ELMO1: variants seen among roughly 807,000 people sequenced by gnomAD.
ELMO1 encodes the protein engulfment and cell motility 1.
In ELMO1, 26 loss-of-function variants were observed where a neutral mutation model predicts 98.9. That is an observed-to-expected ratio of 0.26 (90% confidence interval 0.19 to 0.36). The LOEUF is 0.36. Ranked by LOEUF, ELMO1 falls within the 10% of genes least tolerant of loss-of-function variation. The pLI is 1.00. For synonymous variants in ELMO1, 346 were observed against 346.0 expected (o/e 1.00, Z 0.00); for missense variants, 627 against 935.2 (o/e 0.67, Z 4.30).
intron 2 of ELMO1, among the ~76,000 whole-genome samples, chr7:37,320,792 T>C (rs1799448189): frequency 6.6e-6 from 1 of 152,132 alleles, no homozygotes; most frequent in African/African-American, 2.4e-5. Flanking sequence ...GAAAAAAATC[T>C]ATACATTCAC....
intron 1 of ELMO1, among the ~76,000 whole-genome samples, chr7:37,414,888 C>T (rs758655944): frequency 8.5e-5 from 13 of 152,176 alleles, no homozygotes; most frequent in Non-Finnish European, 1.6e-4. Flanking sequence ...ATTGCAAAAA[C>T]ACTAATAATC....
chr7:37,360,584 C>G (rs1801665379), intron 1 of ELMO1, among the ~76,000 whole-genome samples: 1 of 152,084 alleles, frequency 6.6e-6, no homozygotes, highest in African/African-American at 2.4e-5. Flanking sequence ...TGTGGGTAGT[C>G]CTCGGTATAC....
chr7:37,098,185 T>TC (rs890052402), intron 14 of ELMO1, among the ~76,000 whole-genome samples: 2 of 152,168 alleles, frequency 1.3e-5, no homozygotes, highest in Non-Finnish European at 2.9e-5. Flanking sequence ...TTTTGTCACC[T>TC]CCACAGAATA....
intron 1 of ELMO1, among the ~76,000 whole-genome samples, chr7:37,433,822 C>T (rs985942102): frequency 1.3e-5 from 2 of 152,066 alleles, no homozygotes; most frequent in African/African-American, 2.4e-5. Context: ...CCTGTACATG[C>T]GCTGTCTCCT....
Position 36,853,383 on chromosome 7 carries a change from G to T in ELMO1, c.*2168C>A, listed in dbSNP as rs1289471596. Among the ~76,000 whole-genome samples the T allele has an allele frequency of 6.6e-6, 1 of 152,150 alleles. No individual in the cohort carries two copies. The highest frequency in any genetic ancestry group is 1.5e-5 in the Non-Finnish European group (1 of 68,030). Reference sequence around the variant, plus strand: ...AGTGTCTCAGGACCTCAGAGATCCTGGTCCAGAAAGTTCCCTTTTTCATGG... The same window carrying T: ...AGTGTCTCAGGACCTCAGAGATCCTTGTCCAGAAAGTTCCCTTTTTCATGG... On this transcript the variant is annotated 3_prime_UTR_variant, in exon 22 of 22. Coordinates refer to ENST00000310758, the MANE Select transcript of ELMO1 (RefSeq NM_014800.11).
At chr7:37,294,232 C>T (rs977582696) in intron 4 of ELMO1, among the ~76,000 whole-genome samples, 17 of 152,088 alleles carry the variant, frequency 1.1e-4, no homozygotes. Context: ...TCCTTTGCAC[C>T]TATAATCCCA....
chr7:36,889,288 G>A (rs1805338756), intron 17 of ELMO1, among the ~76,000 whole-genome samples: 1 of 152,144 alleles, frequency 6.6e-6, no homozygotes, highest in South Asian at 2.1e-4. Context: ...AGCCTTCCCT[G>A]TACAGGTCTC....
At chr7:37,225,864 T>C (rs544256625) in intron 8 of ELMO1, among the ~76,000 whole-genome samples, 26 of 152,308 alleles carry the variant, frequency 1.7e-4, no homozygotes, top group African/African-American at 6.3e-4. Context: ...TTACTGTCTG[T>C]TGACAGCTCA....
intron 18 of ELMO1, among the ~76,000 whole-genome samples, chr7:36,881,814 G>A (rs997010309): frequency 3.4e-4 from 52 of 152,288 alleles, no homozygotes; most frequent in African/African-American, 1.2e-3. Flanking sequence ...CCCTCCTACA[G>A]AACTTCCTAC....
At chr7:37,148,046 G>A (rs551243242) in intron 13 of ELMO1, among the ~76,000 whole-genome samples, 12 of 152,136 alleles carry the variant, frequency 7.9e-5, no homozygotes, top group Non-Finnish European at 1.8e-4. Flanking sequence ...TGTAGTCAGG[G>A]CTGGCTGTAT....
Position 37,100,803 on chromosome 7 carries a change from A to C in ELMO1, c.1192-4076T>G, listed in dbSNP as rs186880145. ...GTGTGAGGTGGTACTGTCTGCAAAG[A>C]GAGGGGACACAAAGCAGCTATGAGA... is the stretch of plus-strand genomic sequence containing the variant. On this transcript the variant is annotated intron_variant, in intron 14 of 21. Transcript: ENST00000310758. 1.3e-4 allele frequency among the ~76,000 whole-genome samples: 20 copies of C among 152,354 alleles called. No individual in the cohort carries two copies. In the East Asian group the frequency reaches 3.9e-3, roughly 29 times the overall value.
intron 6 of ELMO1, among the ~76,000 whole-genome samples, chr7:37,252,741 A>T (rs916235608): frequency 4.6e-5 from 7 of 152,238 alleles, no homozygotes; most frequent in African/African-American, 1.7e-4. Context: ...GGGTCTAATT[A>T]AACTAAAGAG....
intron 5 of ELMO1, among the ~76,000 whole-genome samples, chr7:37,264,806 G>A (rs1796158886): frequency 1.3e-5 from 2 of 152,142 alleles, no homozygotes; most frequent in Admixed American, 1.3e-4. Flanking sequence ...TACTGGTAGT[G>A]TGTGTGTGTC....
chr7:36,989,083 GAATT>G (rs1424414409), intron 16 of ELMO1, among the ~76,000 whole-genome samples: 3 of 152,166 alleles, frequency 2.0e-5, no homozygotes, highest in Non-Finnish European at 2.9e-5. Context: ...CAGCAATTAA[GAATT>G]AATTCAGCAA....
intron 14 of ELMO1, among the ~76,000 whole-genome samples, chr7:37,118,180 C>T (rs977732568): frequency 6.6e-6 from 1 of 152,162 alleles, no homozygotes; most frequent in South Asian, 2.1e-4. Flanking sequence ...ATTTTAAAGT[C>T]TTGGCGTCGC....
Position 37,224,747 on chromosome 7 carries a change from G to T in ELMO1, c.701+132C>A. On this transcript the variant is annotated intron_variant, in intron 9 of 21. Coordinates refer to ENST00000310758, the MANE Select transcript of ELMO1 (RefSeq NM_014800.11). ...CCATTCCAGTGTGACACGTGGTTTG[G>T]TTATATGCCAAATTGAGATTCTTTT... is the stretch of plus-strand genomic sequence containing the variant. 2.2e-6 allele frequency: 3 copies of T among 1,337,986 alleles called. No individual in the cohort carries two copies. In the South Asian group the frequency reaches 4.1e-5, roughly 18 times the overall value. The allele number at this position is 1,337,986 out of a possible 1,614,324, so 82.9% of individuals were successfully genotyped here.
chr7:36,895,647 G>T (rs939790212), intron 16 of ELMO1, among the ~76,000 whole-genome samples: 5 of 152,158 alleles, frequency 3.3e-5, no homozygotes, highest in Non-Finnish European at 7.4e-5. Flanking sequence ...CAAGAAAAAA[G>T]AAGAATACTG....
At position 37,342,687 on chromosome 7, in the gene ELMO1, G is replaced by C; in HGVS notation, c.4C>G (p.Pro2Ala). ...ACCTTGACGATGTCCGCGGGTGGCG[G>C]CATTGTAAGTCCCCAAAATGTTCAA... MPPPADIVKVAI... is the reference protein window; with the variant it reads MAPPADIVKVAI... The change falls in exon 2 of 22, where the codon CCG becomes GCG. Residue 2 changes from proline (P) to alanine (A), a missense_variant. Pro to Ala is a conservative substitution (Grantham distance 27). This residue lies in a region of ELMO1 where 123 missense variants were observed against 171.2 expected (regional missense o/e 0.72). Transcript: ENST00000310758. The surrounding 1 kb of genome is among the most constrained non-coding windows in gnomAD (Gnocchi z 4.3). 2 of 1,609,126 alleles carry C rather than the reference G, an allele frequency of 1.2e-6. No individual in the cohort carries two copies. The highest frequency in any genetic ancestry group is 1.7e-6 in the Non-Finnish European group (2 of 1,178,282).
At chr7:37,091,912 G>A (rs1015240690) in intron 15 of ELMO1, among the ~76,000 whole-genome samples, 1 of 152,024 alleles carries the variant, frequency 6.6e-6, no homozygotes, top group Non-Finnish European at 1.5e-5. Context: ...AACAGTACAG[G>A]GGAAACCACA....
Sources: gnomAD v4.1 joint callset for allele counts (sites outside exome capture counted in the v4.1 genomes callset) on GRCh38, gnomAD v4.1.1 for gene constraint, gnomAD v4.1.1 regional missense constraint, Gnocchi (gnomAD v3.1) non-coding constraint, MANE v1.5 for transcripts, NCBI Gene and HGNC (gene_info 2026-07-23, HGNC 2026-07-21) for gene names.